COBLL1: variants seen among roughly 807,000 people sequenced by gnomAD.
The protein encoded by COBLL1 is cordon-bleu protein-like 1.
Under a neutral mutation model 94.8 loss-of-function variants are expected in COBLL1, and 50 were observed. The ratio of observed to expected loss-of-function variants is 0.53; its 90% CI spans 0.42 to 0.67. The LOEUF is 0.67. COBLL1 is among the 30% of genes least tolerant of loss of function. COBLL1 has a pLI of 0.00. For synonymous variants in COBLL1, 448 were observed against 473.8 expected (o/e 0.95, Z 0.71); for missense variants, 1,362 against 1,348.7 (o/e 1.01, Z -0.15).
intron 3 of COBLL1, among the ~76,000 whole-genome samples, chr2:164,737,843 C>G (rs996708837): frequency 6.6e-6 from 1 of 152,288 alleles, no homozygotes; most frequent in East Asian, 1.9e-4. Flanking sequence ...CGGACCAACC[C>G]TATGCCAGGC....
chr2:164,839,399 C>CG (rs397763881), intron 2 of COBLL1, among the ~76,000 whole-genome samples: 2 of 37,764 alleles, frequency 5.3e-5, no homozygotes, highest in Admixed American at 8.3e-4. Flanking sequence ...TTCGGATCAA[C>CG]TAGGCAACAT....
rs779935536 is a variant in COBLL1 at position 164,692,373 on chromosome 2, G to T, written c.3148C>A (p.Gln1050Lys). ...DKENNSAHNEQNSQIPTPTDG... is the reference protein window; with the variant it reads ...DKENNSAHNEKNSQIPTPTDG... ...GTTGGAGTTGGTATTTGGGAATTCTGTTCATTATGTGCAGAGTTATTTTCC... is the reference window on the plus strand; with the variant it reads ...GTTGGAGTTGGTATTTGGGAATTCTTTTCATTATGTGCAGAGTTATTTTCC... The change falls in exon 13 of 14, where the codon CAG (glutamine) becomes AAG (lysine). Residue 1050 changes from glutamine to lysine, a missense_variant. Gln to Lys is a moderately conservative substitution (Grantham distance 53). Transcript: ENST00000652658. The T allele has an allele frequency of 6.2e-7, 1 of 1,610,722 alleles. No individual in the cohort carries two copies. Among genetic ancestry groups the T allele is most frequent in the Non-Finnish European group, 8.5e-7 (1 of 1,178,714 alleles).
chr2:164,772,636 C>A (rs1035876621), intron 2 of COBLL1, among the ~76,000 whole-genome samples: 4 of 151,952 alleles, frequency 2.6e-5, no homozygotes, highest in Admixed American at 1.3e-4. Context: ...TCAATTTTTT[C>A]TTTTAAGTCA....
rs147885090 is a variant in COBLL1 at position 164,796,167 on chromosome 2, T to C, written c.41+44989A>G. On this transcript the variant is annotated intron_variant, in intron 2 of 13. Coordinates refer to ENST00000652658, the MANE Select transcript of COBLL1 (RefSeq NM_001365672.2). ...ATGGCACAATATTTTGTAGGGCAAC[T>C]ATCTTGATCTCCTGAAAAAAAGAGT... is the stretch of plus-strand genomic sequence containing the variant. Among the ~76,000 whole-genome samples the C allele has an allele frequency of 2.9e-3, 440 of 152,294 alleles. 3 individuals carry two copies. The highest frequency in any genetic ancestry group is 0.028 in the South Asian group (134 of 4,824).
intron 3 of COBLL1, among the ~76,000 whole-genome samples, chr2:164,735,397 A>G (rs1686245197): frequency 1.3e-5 from 2 of 152,200 alleles, no homozygotes; most frequent in African/African-American, 4.8e-5. Context: ...TGAGACATAA[A>G]CATTAAATAG....
At chr2:164,802,071 A>G (rs1044377440) in intron 2 of COBLL1, among the ~76,000 whole-genome samples, 1 of 152,238 alleles carries the variant, frequency 6.6e-6, no homozygotes, top group African/African-American at 2.4e-5. Context: ...AACAAAATTT[A>G]AGCAAAACAG....
chr2:164,747,755 A>T (rs759613025), intron 2 of COBLL1, among the ~76,000 whole-genome samples: 2 of 152,170 alleles, frequency 1.3e-5, no homozygotes, highest in Non-Finnish European at 2.9e-5. Flanking sequence ...GATCACAGGC[A>T]TGAGCCACCA....
chr2:164,669,151 G>A (rs1691209870), intron 1 of COBLL1, among the ~76,000 whole-genome samples: 1 of 152,176 alleles, frequency 6.6e-6, no homozygotes, highest in Non-Finnish European at 1.5e-5. Context: ...TATCCGAAAG[G>A]GAAGAGTTGA....
chr2:164,759,267 TC>T (rs1687566415), intron 2 of COBLL1, among the ~76,000 whole-genome samples: 1 of 152,108 alleles, frequency 6.6e-6, no homozygotes, highest in African/African-American at 2.4e-5. Flanking sequence ...TAAAGAAAAC[TC>T]CCTGAAATAA....
chr2:164,824,860 C>G (rs1426880308), intron 2 of COBLL1, among the ~76,000 whole-genome samples: 1 of 152,162 alleles, frequency 6.6e-6, no homozygotes, highest in African/African-American at 2.4e-5. Flanking sequence ...CATTTAAGAT[C>G]ACTCTTGCTA....
intron 13 of COBLL1, 100 bp downstream of exon 13, chr2:164,692,121 C>A: frequency 9.8e-7 from 1 of 1,017,102 alleles, no homozygotes; most frequent in Non-Finnish European, 1.4e-6. Context: ...ACTTTGGGAA[C>A]CCTATTTAGA....
chr2:164,722,516 C>A lies in COBLL1; in HGVS notation c.668G>T (p.Cys223Phe), dbSNP rs760397159. 2.0e-6 allele frequency: 3 copies of A among 1,473,714 alleles called. No homozygotes were observed. Among genetic ancestry groups the A allele is most frequent in the Middle Eastern group, 1.9e-4 (1 of 5,400 alleles). The allele number at this position is 1,473,714 out of a possible 1,614,324, so 91.3% of individuals were successfully genotyped here. ...LYAMDVNRES[C>F]QISQNLDIMK... Reference sequence around the variant, plus strand: ...AATATCTAGGTTTTGTGATATTTGGCAGGACTCTAAAATAGAAGAAAAGCA... The same window carrying A: ...AATATCTAGGTTTTGTGATATTTGGAAGGACTCTAAAATAGAAGAAAAGCA... Residue 223 changes from cysteine to phenylalanine, a missense_variant, in exon 6 of 14, where the codon TGC becomes TTC. By Grantham distance (205) the Cys-to-Phe change is radical. Coordinates refer to ENST00000652658, the MANE Select transcript of COBLL1 (RefSeq NM_001365672.2).
intron 2 of COBLL1, among the ~76,000 whole-genome samples, chr2:164,662,096 A>C (rs1691077210): frequency 6.6e-6 from 1 of 152,226 alleles, no homozygotes; most frequent in South Asian, 2.1e-4. Flanking sequence ...GAGTATTTTT[A>C]AACAAGGTAA....
intron 4 of COBLL1, among the ~76,000 whole-genome samples, chr2:164,729,441 A>C (rs759502479): frequency 6.6e-6 from 1 of 151,852 alleles, no homozygotes; most frequent in Non-Finnish European, 1.5e-5. Flanking sequence ...AAATGGAGTT[A>C]ATGTGTGGCA....
rs1352217130 is a variant in COBLL1 at position 164,773,681 on chromosome 2, AAGTT to A, written c.42-29810_42-29807del. On this transcript the variant is annotated intron_variant, in intron 2 of 13. Transcript: ENST00000652658. ...ATTAGGAAAGGTTAAATTATTTTAA[AAGTT>A]TTACACAACGTATTTACTTACAACT... 5.0e-6 allele frequency: 5 copies of A among 997,306 alleles called. No individual in the cohort carries two copies. In the South Asian group the frequency reaches 5.8e-5, roughly 12 times the overall value. 61.8% of individuals were successfully genotyped at this position (997,306 alleles called of 1,614,324 possible).
chr2:164,829,880 C>G (rs1682984569), intron 2 of COBLL1, among the ~76,000 whole-genome samples: 1 of 152,168 alleles, frequency 6.6e-6, no homozygotes, highest in African/African-American at 2.4e-5. Context: ...AAAGGCATCT[C>G]CCTTCTCAAA....
intron 9 of COBLL1, among the ~76,000 whole-genome samples, chr2:164,701,705 G>GC (rs199682252): frequency 0.12 from 17,648 of 152,102 alleles, 1,076 homozygotes; most frequent in Middle Eastern, 0.13. Context: ...ACAACCAGTA[G>GC]CCAGCAGGGT....
chr2:164,841,532 G>A lies in COBLL1; in HGVS notation c.-51+178C>T, dbSNP rs905437471. 3 of 914,434 alleles carry A rather than the reference G, an allele frequency of 3.3e-6. No homozygotes were observed. Among genetic ancestry groups the A allele is most frequent in the Non-Finnish European group, 2.7e-6 (2 of 731,516 alleles). The allele number at this position is 914,434 out of a possible 1,614,324, so 56.6% of individuals were successfully genotyped here. Reference sequence around the variant, plus strand: ...TTTGGCGCCTCTCGGAGGGAGAGGAGCCGCCGGGGCTGGAAAAGGAGGAGG... The same window carrying A: ...TTTGGCGCCTCTCGGAGGGAGAGGAACCGCCGGGGCTGGAAAAGGAGGAGG... On this transcript the variant is annotated intron_variant, in intron 1 of 13. Transcript: ENST00000652658. The surrounding 1 kb of genome is among the most constrained non-coding windows in gnomAD (Gnocchi z 5.5).
At chr2:164,693,979 C>G (rs1055107866) in intron 12 of COBLL1, among the ~76,000 whole-genome samples, 1 of 151,920 alleles carries the variant, frequency 6.6e-6, no homozygotes. Flanking sequence ...AAAATAGAAC[C>G]ATTAACTAGT....
Sources: gnomAD v4.1 joint callset for allele counts (sites outside exome capture counted in the v4.1 genomes callset) on GRCh38, gnomAD v4.1.1 for gene constraint, Gnocchi (gnomAD v3.1) non-coding constraint, MANE v1.5 for transcripts, NCBI Gene and HGNC (gene_info 2026-07-23, HGNC 2026-07-21) for gene names.